The following MTUS1 variants were observed in gnomAD, a reference collection of about 807,000 sequenced individuals.
MTUS1 encodes the protein microtubule associated scaffold protein 1.
Under a neutral mutation model 120.8 loss-of-function variants are expected in MTUS1, and 109 were observed. The observed-to-expected ratio is 0.90, with a 90% CI of 0.77 to 1.06. MTUS1 has a LOEUF of 1.06. MTUS1 is among the 50% of genes least tolerant of loss of function. The probability of loss-of-function intolerance (pLI) is 0.00; values close to 1 mark genes in which losing one functional copy is unlikely to be tolerated. For missense variants in MTUS1, 2,210 were observed against 1,486.3 expected (o/e 1.49, Z -8.01); for synonymous variants, 737 against 550.5 (o/e 1.34, Z -4.74).
At chr8:17,767,659 A>C (rs1456821382) in intron 1 of MTUS1, among the ~76,000 whole-genome samples, 1 of 142,674 alleles carries the variant, frequency 7.0e-6, no homozygotes, top group African/African-American at 2.6e-5. Context: ...TGATCACGCT[A>C]CTGCACTCCA....
intron 6 of MTUS1, chr8:17,704,180 T>A (rs1291442181): frequency 1.3e-5 from 2 of 152,184 alleles, no homozygotes; most frequent in African/African-American, 4.8e-5. Context: ...TTCAATTATT[T>A]TGGTAAATAA....
chr8:17,771,847 T>C (rs1353568354), intron 1 of MTUS1, among the ~76,000 whole-genome samples: 1 of 152,258 alleles, frequency 6.6e-6, no homozygotes, highest in Non-Finnish European at 1.5e-5. Context: ...CTACTAGTTC[T>C]GTATGTGAGA....
intron 3 of MTUS1, among the ~76,000 whole-genome samples, chr8:17,734,584 G>C (rs1408290865): frequency 2.6e-5 from 4 of 151,872 alleles, no homozygotes; most frequent in African/African-American, 9.7e-5. Context: ...CTTCAGGTGG[G>C]GATTAAACAA....
chr8:17,743,829 CAAAACT>C (rs1044583042), intron 2 of MTUS1, 30 bp from the exon 3 acceptor site: 1 of 1,588,664 alleles, frequency 6.3e-7, no homozygotes, highest in Non-Finnish European at 8.6e-7. Context: ...GACTGTAAAC[CAAAACT>C]AAAATTCTAA....
At chr8:17,741,069 C>T (rs2047284663) in intron 3 of MTUS1, among the ~76,000 whole-genome samples, 2 of 152,100 alleles carry the variant, frequency 1.3e-5, no homozygotes, top group South Asian at 4.1e-4. Flanking sequence ...AGGGGTTTCC[C>T]CACATTCCCA....
intron 2 of MTUS1, chr8:17,747,997 G>GCC (rs972304396): frequency 6.6e-6 from 1 of 151,962 alleles, no homozygotes; most frequent in Non-Finnish European, 1.5e-5. Flanking sequence ...GCAAAGACCT[G>GCC]CCCCCCCATT....
chr8:17,691,812 A>G (rs911855725), intron 6 of MTUS1, among the ~76,000 whole-genome samples: 1 of 152,220 alleles, frequency 6.6e-6, no homozygotes, highest in Non-Finnish European at 1.5e-5. Flanking sequence ...TTAACAGTAC[A>G]TGAATAAATG....
Position 17,685,679 on chromosome 8 carries a change from A to C in MTUS1, c.2624-1137T>G, listed in dbSNP as rs192702176. ...ACAAATGGCTAAATATATTGAATAA[A>C]CTAAGTTAAAAACAGGGAAAAAAAG... On this transcript the variant is annotated intron_variant, in intron 6 of 14. Coordinates refer to ENST00000693296, the MANE Select transcript of MTUS1 (RefSeq NM_001363059.2). 3.7e-3 allele frequency among the ~76,000 whole-genome samples: 483 copies of C among 130,778 alleles called. 4 individuals carry two copies. Among genetic ancestry groups the C allele is most frequent in the African/African-American group, 0.01 (390 of 38,652 alleles). The allele number at this position is 130,778 out of a possible 152,430, so 85.8% of individuals were successfully genotyped here.
At chr8:17,679,059 C>T (rs1304652083) in intron 7 of MTUS1, among the ~76,000 whole-genome samples, 3 of 152,128 alleles carry the variant, frequency 2.0e-5, no homozygotes, top group African/African-American at 7.2e-5. Context: ...ATATGTCTGC[C>T]ACTACAGTGG....
rs571923473 is a variant in MTUS1, at chr8:17,660,920, A to C, written c.2906-4855T>G. Among the ~76,000 whole-genome samples the C allele has an allele frequency of 4.6e-5, 7 of 152,286 alleles. No individual in the cohort carries two copies. In the East Asian group the frequency reaches 9.6e-4, roughly 21 times the overall value. ...GAGAAGATAGAACCCAAAAAGACAG[A>C]CGGAGGCCAGATTACAGGGGCCATC... On this transcript the variant is annotated intron_variant, in intron 8 of 14. Coordinates refer to ENST00000693296, the MANE Select transcript of MTUS1 (RefSeq NM_001363059.2).
chr8:17,711,948 G>C (rs544892827), intron 6 of MTUS1, among the ~76,000 whole-genome samples: 1 of 152,150 alleles, frequency 6.6e-6, no homozygotes, highest in Non-Finnish European at 1.5e-5. Flanking sequence ...AAATGCAAAC[G>C]TATCAGCTGT....
At chr8:17,741,925 C>T (rs532948639) in intron 3 of MTUS1, among the ~76,000 whole-genome samples, 27 of 152,190 alleles carry the variant, frequency 1.8e-4, no homozygotes, top group African/African-American at 6.3e-4. Flanking sequence ...GCTCAGGCAG[C>T]GTATTGGGGC....
chr8:17,801,178 G>A (rs1323290201), upstream of MTUS1, among the ~76,000 whole-genome samples: 3 of 151,558 alleles, frequency 2.0e-5, no homozygotes, highest in African/African-American at 7.3e-5. Flanking sequence ...GGCGGCGTCT[G>A]CACCTGGGGG....
chr8:17,663,761 A>C (rs990039264), intron 8 of MTUS1, among the ~76,000 whole-genome samples: 1 of 151,914 alleles, frequency 6.6e-6, no homozygotes, highest in African/African-American at 2.4e-5. Context: ...ATACCCGGCT[A>C]ATTTTTGTAT....
intron 1 of MTUS1, among the ~76,000 whole-genome samples, chr8:17,757,173 C>G (rs1325389099): frequency 6.6e-6 from 1 of 152,084 alleles, no homozygotes; most frequent in Admixed American, 6.5e-5. Flanking sequence ...GAGCAGAAAG[C>G]AAAATGTACT....
In MTUS1 at chr8:17,763,724, G is replaced by A. The variant is rs534044444; in HGVS notation, c.-154-7763C>T. Among the ~76,000 whole-genome samples, 10 of 152,282 alleles carry A rather than the reference G, an allele frequency of 6.6e-5. No homozygotes were observed. The South Asian group carries it at 2.1e-3, about 32-fold the overall frequency. On this transcript the variant is annotated intron_variant, in intron 1 of 14. Transcript: ENST00000693296. ...GGCAAAGGGAAACACAAGTAACTGTGGCTGGCTGGTTATCTAACTCATCTC... is the reference window on the plus strand; with the variant it reads ...GGCAAAGGGAAACACAAGTAACTGTAGCTGGCTGGTTATCTAACTCATCTC...
chr8:17,682,043 C>T (rs71526149), intron 7 of MTUS1, among the ~76,000 whole-genome samples: 4 of 152,166 alleles, frequency 2.6e-5, no homozygotes, highest in African/African-American at 9.7e-5. Context: ...ATTTACATTT[C>T]GAATGCTCAG....
intron 8 of MTUS1, among the ~76,000 whole-genome samples, chr8:17,673,084 A>G (rs766608039): frequency 6.6e-6 from 1 of 152,150 alleles, no homozygotes; most frequent in Non-Finnish European, 1.5e-5. Flanking sequence ...AACACACACA[A>G]AAAGGCCTCT....
chr8:17,717,433 A>T (rs1822555301), intron 4 of MTUS1, among the ~76,000 whole-genome samples: 1 of 152,240 alleles, frequency 6.6e-6, no homozygotes, highest in Non-Finnish European at 1.5e-5. Flanking sequence ...GCTTTTGCTG[A>T]ATCAAATCCA....
Sources: gnomAD v4.1 joint callset for allele counts (sites outside exome capture counted in the v4.1 genomes callset) on GRCh38, gnomAD v4.1.1 for gene constraint, MANE v1.5 for transcripts, NCBI Gene and HGNC (gene_info 2026-07-23, HGNC 2026-07-21) for gene names.